The following FBXL20 variants were observed in gnomAD, a reference collection of about 807,000 sequenced individuals.
FBXL20 encodes F-box and leucine rich repeat protein 20.
Under a neutral mutation model 64.0 loss-of-function variants are expected in FBXL20, and 11 were observed. The observed-to-expected ratio is 0.17, with a 90% CI of 0.11 to 0.28. The LOEUF (loss-of-function observed/expected upper bound fraction) is 0.28, where lower values mean the gene tolerates loss of function less well. FBXL20 is among the 10% of genes least tolerant of loss of function. The pLI, the probability that FBXL20 is intolerant of heterozygous loss-of-function variation, is 1.00. For missense variants in FBXL20, 303 were observed against 526.2 expected (o/e 0.58, Z 4.15); for synonymous variants, 184 against 189.0 (o/e 0.97, Z 0.22).
intron 1 of FBXL20, among the ~76,000 whole-genome samples, chr17:39,353,300 T>C (rs2047705199): frequency 6.6e-6 from 1 of 152,146 alleles, no homozygotes; most frequent in African/African-American, 2.4e-5. Flanking sequence ...CTAAACTTAC[T>C]AAGTACCTCC....
chr17:39,367,761 A>T (rs1235780760), intron 1 of FBXL20, among the ~76,000 whole-genome samples: 3 of 150,972 alleles, frequency 2.0e-5, no homozygotes, highest in African/African-American at 7.3e-5. Context: ...AAGATTATTT[A>T]TATATATATA....
chr17:39,265,550 G>T, intron 12 of FBXL20, 97 bp from the exon 13 acceptor site: 1 of 901,686 alleles, frequency 1.1e-6, no homozygotes, highest in South Asian at 1.5e-5. Flanking sequence ...CTGTTGCCCA[G>T]GCTAGAGTGT....
At chr17:39,323,696 C>T (rs924389312) in intron 2 of FBXL20, among the ~76,000 whole-genome samples, 19 of 152,050 alleles carry the variant, frequency 1.2e-4, no homozygotes, top group Non-Finnish European at 8.8e-5. Flanking sequence ...CAGGACACAC[C>T]GACCATTCCC....
rs147524704 is a variant in FBXL20 at position 39,389,430 on chromosome 17, G to A, written c.42+11931C>T. On this transcript the variant is annotated intron_variant, in intron 1 of 14. Coordinates refer to ENST00000264658, the MANE Select transcript of FBXL20 (RefSeq NM_032875.3). ...CAAAAAGCTGATAAGGACGAATGTC[G>A]GGAAAGGGTATTGGCAATGCAGTGC... 9.2e-3 allele frequency among the ~76,000 whole-genome samples: 1,403 copies of A among 152,234 alleles called. 20 individuals are homozygous for A. The highest frequency in any genetic ancestry group is 0.032 in the African/African-American group (1,325 of 41,542).
intron 14 of FBXL20, among the ~76,000 whole-genome samples, chr17:39,262,560 C>T (rs1339602237): frequency 1.3e-5 from 2 of 151,662 alleles, no homozygotes; most frequent in African/African-American, 4.8e-5. Flanking sequence ...GGATTACAGG[C>T]GTGAGCCACC....
chr17:39,291,794 T>C (rs1346809910), intron 6 of FBXL20, among the ~76,000 whole-genome samples: 1 of 152,190 alleles, frequency 6.6e-6, no homozygotes, highest in Non-Finnish European at 1.5e-5. Context: ...AGCAATACCT[T>C]AGGCGCATTC....
At chr17:39,286,942 T>C (rs1287098017) in intron 6 of FBXL20, among the ~76,000 whole-genome samples, 5 of 147,788 alleles carry the variant, frequency 3.4e-5, no homozygotes, top group South Asian at 2.2e-4. Context: ...GACAGAGTCT[T>C]GTTCTTGTCG....
chr17:39,374,149 T>C (rs1309168179), intron 1 of FBXL20, among the ~76,000 whole-genome samples: 2 of 151,504 alleles, frequency 1.3e-5, no homozygotes, highest in Non-Finnish European at 2.9e-5. Context: ...CGCTTGAACC[T>C]GGGAGGTGGA....
intron 2 of FBXL20, among the ~76,000 whole-genome samples, chr17:39,317,700 T>TG (rs2047308976): frequency 1.5e-5 from 1 of 64,934 alleles, no homozygotes; most frequent in African/African-American, 1.5e-4. Context: ...TTTTTTTTTT[T>TG]GTTTTTTTTT....
At chr17:39,363,087 C>T (rs761966225) in intron 1 of FBXL20, among the ~76,000 whole-genome samples, 126 of 151,544 alleles carry the variant, frequency 8.3e-4, no homozygotes, top group South Asian at 1.5e-3. Context: ...TCACAACCTC[C>T]GCCTCCTGGG....
chr17:39,262,863 G>A (rs1237633061), intron 14 of FBXL20, among the ~76,000 whole-genome samples: 2 of 151,726 alleles, frequency 1.3e-5, no homozygotes, highest in Non-Finnish European at 1.5e-5. Context: ...TTAGCCGGGC[G>A]TGGTGGCATG....
chr17:39,323,002 A>C (rs1476520244), intron 2 of FBXL20, among the ~76,000 whole-genome samples: 5 of 98,734 alleles, frequency 5.1e-5, no homozygotes, highest in African/African-American at 4.1e-5. Context: ...ACAGAGTCTC[A>C]CTCTGTCGCC....
intron 12 of FBXL20, among the ~76,000 whole-genome samples, chr17:39,266,538 G>C (rs1390975622): frequency 1.3e-5 from 2 of 152,134 alleles, no homozygotes; most frequent in Non-Finnish European, 2.9e-5. Context: ...GTGGAGATGG[G>C]GGTTTGCCAT....
intron 1 of FBXL20, among the ~76,000 whole-genome samples, chr17:39,393,260 G>A (rs1490433588): frequency 6.6e-6 from 1 of 151,938 alleles, no homozygotes; most frequent in East Asian, 1.9e-4. Flanking sequence ...TTGCACTCCA[G>A]CCTGGGCAAG....
At chr17:39,324,008 A>ACCCCCCCCCC (rs138382317) in intron 2 of FBXL20, among the ~76,000 whole-genome samples, 18 of 128,978 alleles carry the variant, frequency 1.4e-4, no homozygotes, top group African/African-American at 2.1e-4. Flanking sequence ...TCGTGATCCA[A>ACCCCCCCCCC]CCCCCTCCCC....
At chr17:39,303,712 G>A in intron 2 of FBXL20, 73 bp from the exon 3 acceptor site, 2 of 1,328,080 alleles carry the variant, frequency 1.5e-6, no homozygotes, top group Non-Finnish European at 2.1e-6. Context: ...TTTGAGACAG[G>A]GTCTCACTCT....
At position 39,297,301 on chromosome 17, in the gene FBXL20, T is replaced by G. The variant is rs148365023; in HGVS notation, c.330-106A>C. 1.3e-3 allele frequency: 736 copies of G among 580,088 alleles called. 2 individuals carry two copies. Among genetic ancestry groups the G allele is most frequent in the African/African-American group, 0.012 (661 of 53,428 alleles). The allele number at this position is 580,088 out of a possible 1,614,324, so 35.9% of individuals were successfully genotyped here. On this transcript the variant is annotated intron_variant, in intron 5 of 14. Transcript: ENST00000264658. ...ATTGGTAATATTGATTGTTGATATC[T>G]GTGATACTGTGATATAAAGGAAAAA...
At chr17:39,374,560 A>G (rs1336371277) in intron 1 of FBXL20, among the ~76,000 whole-genome samples, 1 of 152,078 alleles carries the variant, frequency 6.6e-6, no homozygotes, top group Non-Finnish European at 1.5e-5. Flanking sequence ...AAATTGCTAG[A>G]TTATAACTAA....
chr17:39,313,908 T>C (rs2047260604), intron 2 of FBXL20, among the ~76,000 whole-genome samples: 1 of 152,248 alleles, frequency 6.6e-6, no homozygotes, highest in African/African-American at 2.4e-5. Context: ...GTGCTGGGAT[T>C]ACAGGCATGA....
Sources: allele counts gnomAD v4.1 joint callset (sites outside exome capture counted in the v4.1 genomes callset), GRCh38; gene constraint gnomAD v4.1.1; transcripts MANE v1.5; gene names NCBI Gene and HGNC (gene_info 2026-07-23, HGNC 2026-07-21).